Variants in SLC6A3 observed in about 807,000 individuals in gnomAD.
The protein encoded by SLC6A3 is sodium-dependent dopamine transporter.
SLC6A3 carries 19 observed loss-of-function variants against 70.4 expected under a neutral mutation model. The ratio of observed to expected loss-of-function variants is 0.27; its 90% CI spans 0.19 to 0.40. The LOEUF is 0.40. Among genes scored for constraint, SLC6A3 ranks in the 10% least tolerant of loss-of-function variants. The pLI, the probability that SLC6A3 is intolerant of heterozygous loss-of-function variation, is 1.00. For missense variants in SLC6A3, 613 were observed against 838.5 expected, an observed-to-expected ratio of 0.73 and a Z score of 3.32; for synonymous variants, 368 against 356.6, an observed-to-expected ratio of 1.03 and a Z score of -0.36.
At chr5:1,417,526 T>C (rs1756334475) in intron 6 of SLC6A3, among the ~76,000 whole-genome samples, 2 of 152,204 alleles carry the variant, frequency 1.3e-5, no homozygotes, top group African/African-American at 4.8e-5. Context: ...ACTGGTGCTG[T>C]GCCTGCCCAA....
At position 1,405,870 on chromosome 5, in the gene SLC6A3, G is replaced by A. The variant is rs568706499; in HGVS notation, c.1599+318C>T. ...TCGACCTTGATCCTCACAGGCAGAGGTGAGTGGACAGCCCGACTCACCTCC... is the reference window on the plus strand; with the variant it reads ...TCGACCTTGATCCTCACAGGCAGAGATGAGTGGACAGCCCGACTCACCTCC... On this transcript the variant is annotated intron_variant, in intron 12 of 14. Coordinates refer to ENST00000270349, the MANE Select transcript of SLC6A3 (RefSeq NM_001044.5). The surrounding 1 kb of genome is among the most constrained non-coding windows in gnomAD (Gnocchi z 5.3). 1.5e-4 allele frequency among the ~76,000 whole-genome samples: 23 copies of A among 152,352 alleles called. No individual in the cohort carries two copies. Among genetic ancestry groups the A allele is most frequent in the African/African-American group, 5.5e-4 (23 of 41,596 alleles).
chr5:1,397,431 A>AAAACAAAC lies in SLC6A3; in HGVS notation c.1840-2681_1840-2674dup, dbSNP rs57510492. 1.1e-4 allele frequency among the ~76,000 whole-genome samples: 17 copies of AAAACAAAC among 151,884 alleles called. No homozygotes were observed. The highest frequency in any genetic ancestry group is 4.1e-4 in the South Asian group (2 of 4,820). On this transcript the variant is annotated intron_variant, in intron 14 of 14. Transcript: ENST00000270349. The surrounding 1 kb of genome is among the most constrained non-coding windows in gnomAD (Gnocchi z 4.7). ...GGGCTACAGAGCGAGACTCCGTCTCAAAACAAACAAACAAACAAACAAACA... is the reference window on the plus strand; with the variant it reads ...GGGCTACAGAGCGAGACTCCGTCTCAAAACAAACAAACAAACAAACAAACAAACAAACA...
At chr5:1,416,003 C>T (rs113128676) in intron 7 of SLC6A3, 95 bp downstream of exon 7, 49 of 954,262 alleles carry the variant, frequency 5.1e-5, no homozygotes, top group Admixed American at 1.1e-4. Context: ...TCAGTGGATC[C>T]GCCCTGTTCT....
intron 4 of SLC6A3, among the ~76,000 whole-genome samples, chr5:1,430,744 A>G (rs1475604812): frequency 6.7e-6 from 1 of 150,222 alleles, no homozygotes; most frequent in Non-Finnish European, 1.5e-5. Context: ...GACCAAGACC[A>G]AAGTTCTCGG....
chr5:1,433,548 T>C (rs1756757794), intron 3 of SLC6A3, among the ~76,000 whole-genome samples: 1 of 151,628 alleles, frequency 6.6e-6, no homozygotes, highest in Non-Finnish European at 1.5e-5. Flanking sequence ...CAACCATTCA[T>C]GGCCATCCAC....
At chr5:1,441,265 G>C in intron 3 of SLC6A3, 94 bp downstream of exon 3, 1 of 1,491,778 alleles carries the variant, frequency 6.7e-7, no homozygotes, top group Non-Finnish European at 9.3e-7. Context: ...AGCAGGGCTG[G>C]ATGCCCATGA....
chr5:1,395,661 G>T (rs1247830470), intron 14 of SLC6A3, among the ~76,000 whole-genome samples: 1 of 152,228 alleles, frequency 6.6e-6, no homozygotes, highest in Non-Finnish European at 1.5e-5. Flanking sequence ...AAGGAAGCTG[G>T]GGTCAGGGAG....
At chr5:1,432,761 G>C (rs465130) in intron 3 of SLC6A3, 63 bp from the exon 4 acceptor site, 1 of 1,158,166 alleles carries the variant, frequency 8.6e-7, no homozygotes, top group Non-Finnish European at 1.3e-6. Flanking sequence ...CATCAGCAAC[G>C]TGTCCCTTCC....
chr5:1,440,874 G>A (rs890009442), intron 3 of SLC6A3, among the ~76,000 whole-genome samples: 1 of 152,104 alleles, frequency 6.6e-6, no homozygotes, highest in African/African-American at 2.4e-5. Flanking sequence ...TGCCTTTTAA[G>A]CCTCCCAGTT....
chr5:1,402,515 G>A lies in SLC6A3; in HGVS notation c.1767+407C>T, dbSNP rs28363135. 4.9e-3 allele frequency among the ~76,000 whole-genome samples: 750 copies of A among 152,154 alleles called. 2 individuals are homozygous for A. Among genetic ancestry groups the A allele is most frequent in the Non-Finnish European group, 7.9e-3 (534 of 68,014 alleles). ...TCCACCACACCACATACCATAGTGT[G>A]TAGGCATGCATGCACTCAGTACACA... is the stretch of plus-strand genomic sequence containing the variant. On this transcript the variant is annotated intron_variant, in intron 13 of 14. Transcript: ENST00000270349. The surrounding 1 kb of genome is among the most constrained non-coding windows in gnomAD (Gnocchi z 8.5).
chr5:1,409,396 G>C (rs914019674), intron 10 of SLC6A3, among the ~76,000 whole-genome samples: 2 of 152,174 alleles, frequency 1.3e-5, no homozygotes, highest in Non-Finnish European at 2.9e-5. Flanking sequence ...CCTTGGAGAG[G>C]GAGTGGCCTG....
At chr5:1,431,938 C>T (rs1756715616) in intron 4 of SLC6A3, among the ~76,000 whole-genome samples, 2 of 152,204 alleles carry the variant, frequency 1.3e-5, no homozygotes, top group South Asian at 2.1e-4. Context: ...GGCTGGGTCA[C>T]CCTGGAGACA....
At position 1,396,317 on chromosome 5, in the gene SLC6A3, C is replaced by G. The variant is rs1450395094; in HGVS notation, c.1840-1559G>C. Reference sequence around the variant, plus strand: ...ATCGAATTTACCCTACTGTCCGAAACAAGCCCCAAATAAACAAAACACACG... The same window carrying G: ...ATCGAATTTACCCTACTGTCCGAAAGAAGCCCCAAATAAACAAAACACACG... On this transcript the variant is annotated intron_variant, in intron 14 of 14. Coordinates refer to ENST00000270349, the MANE Select transcript of SLC6A3 (RefSeq NM_001044.5). The surrounding 1 kb of genome is among the most constrained non-coding windows in gnomAD (Gnocchi z 7.0). Among the ~76,000 whole-genome samples, 1 of 152,232 alleles carries G rather than the reference C, an allele frequency of 6.6e-6. No homozygotes were observed. Among genetic ancestry groups the G allele is most frequent in the East Asian group, 1.9e-4 (1 of 5,198 alleles).
At position 1,405,575 on chromosome 5, in the gene SLC6A3, T is replaced by C. The variant is rs1214597692; in HGVS notation, c.1599+613A>G. Among the ~76,000 whole-genome samples, 1 of 152,232 alleles carries C rather than the reference T, an allele frequency of 6.6e-6. No homozygotes were observed. The highest frequency in any genetic ancestry group is 2.4e-5 in the African/African-American group (1 of 41,460). On this transcript the variant is annotated intron_variant, in intron 12 of 14. Coordinates refer to ENST00000270349, the MANE Select transcript of SLC6A3 (RefSeq NM_001044.5). This position sits in a 1 kb window ranked among gnomAD's most constrained non-coding sequence, Gnocchi z 5.3. ...TGCTTTGTGAGCCTCCAGGCCTCTG[T>C]GGTTCAGTGGGGGAAGCACTGCAGG... is the stretch of plus-strand genomic sequence containing the variant.
intron 12 of SLC6A3, among the ~76,000 whole-genome samples, chr5:1,403,814 G>C (rs2126326293): frequency 6.6e-6 from 1 of 152,228 alleles, no homozygotes; most frequent in South Asian, 2.1e-4. Flanking sequence ...CACTTGGAGG[G>C]GAAGCTTCCC....
chr5:1,428,824 C>T (rs1259293910), intron 4 of SLC6A3, among the ~76,000 whole-genome samples: 1 of 152,218 alleles, frequency 6.6e-6, no homozygotes, highest in African/African-American at 2.4e-5. Context: ...ACATGGCCAG[C>T]GTCTCACCCA....
rs907700844 is a variant in SLC6A3, at chr5:1,421,136, G to A, written c.793-433C>T. Among the ~76,000 whole-genome samples, 3 of 151,664 alleles carry A rather than the reference G, an allele frequency of 2.0e-5. No individual in the cohort carries two copies. The highest frequency in any genetic ancestry group is 6.6e-5 in the Admixed American group (1 of 15,238). ...CACGCACTTTTCCAAGGGAGGAGTC[G>A]TATCTTGGTCAAAACTGGTTTTGGC... On this transcript the variant is annotated intron_variant, in intron 5 of 14. Transcript: ENST00000270349. The surrounding 1 kb of genome is among the most constrained non-coding windows in gnomAD (Gnocchi z 7.2).
Position 1,414,799 on chromosome 5 carries a change from T to C in SLC6A3, c.1048A>G (p.Thr350Ala), listed in dbSNP as rs1401084021. 1 of 1,612,712 alleles carries C rather than the reference T, an allele frequency of 6.2e-7. No homozygotes were observed. Among genetic ancestry groups the C allele is most frequent in the Non-Finnish European group, 8.5e-7 (1 of 1,179,820 alleles). Residue 350 changes from threonine (T) to alanine (A), a missense_variant, in exon 8 of 15, where the codon ACC becomes GCC. This residue lies in a region of SLC6A3 where 348 missense variants were observed against 481.2 expected (regional missense o/e 0.72). Transcript: ENST00000270349. ...NNCYRDAIVT[T>A]SINSLTSFSS... ...AAGCTCGTCAGGGAGTTGATGGAGG[T>C]GGTGACAATCGCGTCCCTGTAAGAA...
intron 4 of SLC6A3, among the ~76,000 whole-genome samples, chr5:1,429,836 C>A (rs181648080): frequency 6.6e-6 from 1 of 152,208 alleles, no homozygotes. Context: ...AGAGCACATG[C>A]AGCCCAGGCC....
Sources: allele counts gnomAD v4.1 joint callset (sites outside exome capture counted in the v4.1 genomes callset), GRCh38; gene constraint gnomAD v4.1.1; regional missense constraint gnomAD v4.1.1; non-coding constraint Gnocchi (gnomAD v3.1); transcripts MANE v1.5; gene names NCBI Gene and HGNC (gene_info 2026-07-23, HGNC 2026-07-21).